MOCOS: variants seen among roughly 807,000 people sequenced by gnomAD.
The protein encoded by MOCOS is human molybdenum cofactor sulfurase.
MOCOS carries 86 observed loss-of-function variants against 83.6 expected under a neutral mutation model. That is an observed-to-expected ratio of 1.03 (90% CI 0.86 to 1.23). MOCOS has a LOEUF of 1.23. Ranked by LOEUF, MOCOS falls within the 50% of genes most tolerant of loss-of-function variation. MOCOS has a pLI of 0.00. For synonymous variants in MOCOS, 445 were observed against 434.7 expected (o/e 1.02, Z -0.29); for missense variants, 1,120 against 1,126.9 (o/e 0.99, Z 0.09).
chr18:36,215,693 ACCGGGGAGACTGGAGCC>A lies in MOCOS; in HGVS notation c.1516_1532del (p.Gly506IlefsTer7), dbSNP rs1370834653. 2.5e-6 allele frequency: 4 copies of A among 1,614,040 alleles called. No individual in the cohort carries two copies. The African/African-American group carries it at 5.3e-5, about 22-fold the overall frequency. On this transcript the variant is annotated frameshift_variant, in exon 8 of 15. Transcript: ENST00000261326. LOFTEE classifies it high-confidence loss of function. ...GCCTGTCCCTCAGGCCCATGCTGAC[ACCGGGGAGACTGGAGCC>A]CCATCAGCAGACAGCCAGGCTGATG...
At chr18:36,266,383 G>A (rs977526191) in intron 13 of MOCOS, among the ~76,000 whole-genome samples, 2 of 151,988 alleles carry the variant, frequency 1.3e-5, no homozygotes, top group African/African-American at 4.8e-5. Context: ...TGAACAGTCC[G>A]CCTCTGCCTC....
intron 9 of MOCOS, among the ~76,000 whole-genome samples, chr18:36,232,948 A>G (rs940994715): frequency 2.0e-5 from 3 of 151,910 alleles, no homozygotes; most frequent in Admixed American, 6.6e-5. Flanking sequence ...TAACTTGGCT[A>G]CTGTGAATAG....
intron 6 of MOCOS, among the ~76,000 whole-genome samples, chr18:36,205,990 T>C (rs1329953077): frequency 6.6e-6 from 1 of 152,164 alleles, no homozygotes. Flanking sequence ...TCCACCTGTG[T>C]TGGCCTCCCA....
At chr18:36,252,310 C>G (rs2091624870) in intron 11 of MOCOS, among the ~76,000 whole-genome samples, 1 of 151,982 alleles carries the variant, frequency 6.6e-6, no homozygotes. Context: ...TGGTTAAGCC[C>G]AGGAGTTCAA....
chr18:36,198,837 A>G (rs1041787579), intron 3 of MOCOS, 81 bp downstream of exon 3: 2 of 1,475,280 alleles, frequency 1.4e-6, no homozygotes, highest in Non-Finnish European at 1.9e-6. Context: ...CATCCCACAA[A>G]AGTTCTGAGT....
At chr18:36,224,186 T>C (rs980146579) in intron 9 of MOCOS, among the ~76,000 whole-genome samples, 2 of 152,210 alleles carry the variant, frequency 1.3e-5, no homozygotes, top group African/African-American at 2.4e-5. Context: ...TTTTTTAAAA[T>C]GGAGTATTTA....
At chr18:36,250,520 G>T (rs2091618060) in intron 10 of MOCOS, among the ~76,000 whole-genome samples, 1 of 152,136 alleles carries the variant, frequency 6.6e-6, no homozygotes, top group Admixed American at 6.5e-5. Context: ...AGAATCCTGG[G>T]CCCTGGTCCC....
Position 36,206,244 on chromosome 18 carries a change from C to CTTTTTTT in MOCOS, c.1218+982_1218+988dup, listed in dbSNP as rs71166102. ...ATTTTTATTTTATTTTTTCTTCCAA[C>CTTTTTTT]TTTTTTTTTTTTTTTTTTTTGAGAT... On this transcript the variant is annotated intron_variant, in intron 6 of 14. Coordinates refer to ENST00000261326, the MANE Select transcript of MOCOS (RefSeq NM_017947.4). Among the ~76,000 whole-genome samples the CTTTTTTT allele has an allele frequency of 3.9e-5, 4 of 103,646 alleles. 1 individual carries two copies. Among genetic ancestry groups the CTTTTTTT allele is most frequent in the Admixed American group, 1.2e-4 (1 of 8,052 alleles). The allele number at this position is 103,646 out of a possible 152,430, so 68.0% of individuals were successfully genotyped here.
chr18:36,202,975 GATGAGAT>G (rs2091420419), intron 4 of MOCOS, 131 bp from the exon 5 acceptor site: 1 of 811,652 alleles, frequency 1.2e-6, no homozygotes, highest in Admixed American at 1.9e-5. Context: ...TACAATTAGA[GATGAGAT>G]TTAGGTGGAG....
At chr18:36,262,185 G>T (rs1348389737) in intron 13 of MOCOS, among the ~76,000 whole-genome samples, 1 of 146,994 alleles carries the variant, frequency 6.8e-6, no homozygotes, top group Admixed American at 6.9e-5. Context: ...GCTAATACAA[G>T]TATTAAAATA....
rs377232592 is a variant in MOCOS, at chr18:36,263,045, G to C, written c.2409+2870G>C. Reference sequence around the variant, plus strand: ...GATTGCTTGAGCCTGGGAAATGAAGGCTGCAGTGAGCTATGATGAAGCCAC... The same window carrying C: ...GATTGCTTGAGCCTGGGAAATGAAGCCTGCAGTGAGCTATGATGAAGCCAC... On this transcript the variant is annotated intron_variant, in intron 13 of 14. Transcript: ENST00000261326. 1.2e-4 allele frequency among the ~76,000 whole-genome samples: 19 copies of C among 152,210 alleles called. No homozygotes were observed. In the East Asian group the frequency reaches 3.1e-3, roughly 25 times the overall value.
At chr18:36,240,490 G>A (rs1396985546) in intron 9 of MOCOS, among the ~76,000 whole-genome samples, 39 of 150,378 alleles carry the variant, frequency 2.6e-4, no homozygotes, top group African/African-American at 3.7e-4. Context: ...CAGTCTGCCC[G>A]TTCTCAGATC....
chr18:36,190,670 G>A (rs534917547), intron 1 of MOCOS, among the ~76,000 whole-genome samples: 41 of 152,104 alleles, frequency 2.7e-4, no homozygotes, highest in African/African-American at 9.6e-4. Context: ...AATTGCTTGA[G>A]CCTGGAAAGT....
intron 7 of MOCOS, among the ~76,000 whole-genome samples, chr18:36,214,926 G>A (rs1321872213): frequency 6.6e-6 from 1 of 152,220 alleles, no homozygotes; most frequent in African/African-American, 2.4e-5. Context: ...CCAACACCAG[G>A]CAGCCGGGCT....
At chr18:36,199,599 T>G (rs2091403071) in intron 3 of MOCOS, 84 bp from the exon 4 acceptor site, 1 of 1,589,588 alleles carries the variant, frequency 6.3e-7, no homozygotes, top group African/African-American at 1.3e-5. Flanking sequence ...AGAGATGTCA[T>G]AGTTAATAGA....
intron 11 of MOCOS, among the ~76,000 whole-genome samples, chr18:36,256,349 G>A (rs995102297): frequency 5.3e-5 from 8 of 152,138 alleles, no homozygotes; most frequent in African/African-American, 1.9e-4. Flanking sequence ...TCCTATCCAG[G>A]GAAAGGATGC....
chr18:36,193,236 G>A (rs1189561757), intron 1 of MOCOS, among the ~76,000 whole-genome samples: 13 of 147,116 alleles, frequency 8.8e-5, no homozygotes, highest in Admixed American at 2.8e-4. Flanking sequence ...GTGTGAACCC[G>A]GGAAGCGGAG....
chr18:36,262,249 C>CCACACACACACACACACACACACACACA (rs2091665943), intron 13 of MOCOS, among the ~76,000 whole-genome samples: 2 of 2,086 alleles, frequency 9.6e-4, no homozygotes, highest in African/African-American at 3.2e-3. Context: ...TCGTCTCTCT[C>CCACACACACACACACACACACACACACA]TACACACACA....
intron 4 of MOCOS, among the ~76,000 whole-genome samples, chr18:36,201,629 C>T (rs1244221460): frequency 8.4e-6 from 1 of 119,388 alleles, no homozygotes; most frequent in African/African-American, 3.1e-5. Context: ...ACCCACTGCA[C>T]TCTAGCCCTG....
Sources: gnomAD v4.1 joint callset for allele counts (sites outside exome capture counted in the v4.1 genomes callset) on GRCh38, gnomAD v4.1.1 for gene constraint, MANE v1.5 for transcripts, NCBI Gene and HGNC (gene_info 2026-07-23, HGNC 2026-07-21) for gene names.